Variants in MTHFD1L observed in about 807,000 individuals in gnomAD.
MTHFD1L encodes the protein methylenetetrahydrofolate dehydrogenase (NADP+ dependent) 1 like.
Under a neutral mutation model 119.5 loss-of-function variants are expected in MTHFD1L, and 81 were observed. The ratio of observed to expected loss-of-function variants is 0.68; its 90% CI spans 0.57 to 0.82. The LOEUF (loss-of-function observed/expected upper bound fraction) is 0.82. MTHFD1L is among the 40% of genes least tolerant of loss of function. The pLI, the probability that MTHFD1L is intolerant of heterozygous loss-of-function variation, is 0.00. For synonymous variants in MTHFD1L, 430 were observed against 475.2 expected (o/e 0.90, Z 1.24); for missense variants, 1,125 against 1,253.4 (o/e 0.90, Z 1.55).
intron 26 of MTHFD1L, among the ~76,000 whole-genome samples, chr6:151,054,562 G>A (rs1010289511): frequency 2.0e-5 from 3 of 152,044 alleles, no homozygotes; most frequent in South Asian, 2.1e-4. Flanking sequence ...TGCTCTCTAC[G>A]TCATTACTTT....
In MTHFD1L at chr6:150,925,695, AAT is replaced by A. The variant is rs534410115; in HGVS notation, c.1083-425_1083-424del. On this transcript the variant is annotated intron_variant, in intron 10 of 27. Coordinates refer to ENST00000367321, the MANE Select transcript of MTHFD1L (RefSeq NM_015440.5). The stretch of plus-strand genomic sequence containing the variant: ...TGTGATAGTAATGTTCACATTTTTG[AAT>A]AGCCAAGAGAAACATGTGGCCAGCC... Among the ~76,000 whole-genome samples the A allele has an allele frequency of 3.2e-4, 49 of 152,230 alleles. 3 individuals carry two copies. The East Asian group carries it at 9.3e-3, about 29-fold the overall frequency.
In MTHFD1L at chr6:150,905,703, C is replaced by T. The variant is rs1785792876; in HGVS notation, c.834C>T (p.Pro278=). 7 of 1,614,026 alleles carry T rather than the reference C, an allele frequency of 4.3e-6. No individual in the cohort carries two copies. Among genetic ancestry groups the T allele is most frequent in the African/African-American group, 2.7e-5 (2 of 74,920 alleles). The change falls in exon 8 of 28, where the codon CCC becomes CCT. Residue 278 remains proline (P), a synonymous_variant. Coordinates refer to ENST00000367321, the MANE Select transcript of MTHFD1L (RefSeq NM_015440.5). ...GCTCACCTAAGCCAGAAGAGATTCC[C>T]CTTACTTGGATACAACCAGGAACTA... ...VLGSPKPEEI[P]LTWIQPGTTV...
intron 7 of MTHFD1L, among the ~76,000 whole-genome samples, chr6:150,903,203 ATTTTTTTTTTTTTTTTT>A (rs774695918): frequency 7.0e-5 from 6 of 85,474 alleles, no homozygotes; most frequent in Middle Eastern, 8.2e-3. Context: ...TGGCTGCAAA[ATTTTTTTTTTTTTTTTT>A]TTTTTTTTTT....
At chr6:151,069,996 G>T (rs974309000) in intron 26 of MTHFD1L, among the ~76,000 whole-genome samples, 2 of 152,156 alleles carry the variant, frequency 1.3e-5, no homozygotes, top group East Asian at 1.9e-4. Flanking sequence ...CATCGGCAAG[G>T]TGTCTTTTTT....
intron 27 of MTHFD1L, among the ~76,000 whole-genome samples, chr6:151,095,503 C>T (rs1163448354): frequency 6.6e-6 from 1 of 152,198 alleles, no homozygotes; most frequent in Non-Finnish European, 1.5e-5. Context: ...TCCAATTATA[C>T]CTTAATCACT....
chr6:151,097,825 C>G (rs1214466644), intron 27 of MTHFD1L, among the ~76,000 whole-genome samples: 1 of 152,144 alleles, frequency 6.6e-6, no homozygotes, highest in Non-Finnish European at 1.5e-5. Flanking sequence ...GGTACCCTGA[C>G]TTGATCACTA....
intron 27 of MTHFD1L, among the ~76,000 whole-genome samples, chr6:151,093,173 C>G (rs1794601010): frequency 6.6e-6 from 1 of 152,142 alleles, no homozygotes; most frequent in African/African-American, 2.4e-5. Context: ...TCCTTGCTGG[C>G]CTCTTCCTAG....
intron 15 of MTHFD1L, among the ~76,000 whole-genome samples, chr6:150,948,568 C>T (rs149107436): frequency 0.018 from 2,787 of 152,194 alleles, 33 homozygotes; most frequent in Non-Finnish European, 0.027. Context: ...AGGTGATCCA[C>T]CTGCCTCCAC....
At chr6:150,907,373 G>A (rs1786096733) in intron 8 of MTHFD1L, among the ~76,000 whole-genome samples, 1 of 152,104 alleles carries the variant, frequency 6.6e-6, no homozygotes, top group African/African-American at 2.4e-5. Context: ...ATGATTCTCT[G>A]GGGGAAAAAA....
intron 20 of MTHFD1L, among the ~76,000 whole-genome samples, chr6:150,999,740 A>G (rs572468452): frequency 6.6e-6 from 1 of 152,326 alleles, no homozygotes; most frequent in South Asian, 2.1e-4. Flanking sequence ...ATGACTCATG[A>G]TGGTTCTAAA....
At chr6:151,083,246 G>A (rs944926740) in intron 26 of MTHFD1L, among the ~76,000 whole-genome samples, 2 of 151,950 alleles carry the variant, frequency 1.3e-5, no homozygotes, top group African/African-American at 2.4e-5. Flanking sequence ...CACCCAGGCT[G>A]GAGTGCAGTG....
intron 27 of MTHFD1L, among the ~76,000 whole-genome samples, chr6:151,100,708 T>C (rs11753701): frequency 0.37 from 56,506 of 151,296 alleles, 10,678 homozygotes; most frequent in Middle Eastern, 0.49. Context: ...AGAATGGCAA[T>C]GAATCTTAAT....
rs1283958832 is a variant in MTHFD1L at position 150,957,577 on chromosome 6, A to G, written c.1803+1506A>G. 2.6e-5 allele frequency among the ~76,000 whole-genome samples: 4 copies of G among 152,324 alleles called. No individual in the cohort carries two copies. In the East Asian group the frequency reaches 5.8e-4, roughly 22 times the overall value. ...TGTGTATTAGGATATTTGTTGTGCCATTATTTGCAGCGGTGAAAATTGGAA... is the reference window on the plus strand; with the variant it reads ...TGTGTATTAGGATATTTGTTGTGCCGTTATTTGCAGCGGTGAAAATTGGAA... On this transcript the variant is annotated intron_variant, in intron 17 of 27. Transcript: ENST00000367321.
chr6:150,974,785 G>A (rs908776655), intron 20 of MTHFD1L, among the ~76,000 whole-genome samples: 5 of 150,748 alleles, frequency 3.3e-5, no homozygotes, highest in African/African-American at 1.2e-4. Flanking sequence ...TGCCCAGGCT[G>A]GAGCGCAATG....
chr6:150,980,516 C>G (rs935850913), intron 20 of MTHFD1L, among the ~76,000 whole-genome samples: 3 of 152,110 alleles, frequency 2.0e-5, no homozygotes, highest in Non-Finnish European at 4.4e-5. Flanking sequence ...CACCCATGTT[C>G]CCACCACTCT....
At chr6:151,033,121 C>CT (rs1219393561) in intron 24 of MTHFD1L, among the ~76,000 whole-genome samples, 2,072 of 141,638 alleles carry the variant, frequency 0.015, 24 homozygotes, top group African/African-American at 0.029. Flanking sequence ...CATATGCTTT[C>CT]TTTTTTTTTT....
intron 20 of MTHFD1L, among the ~76,000 whole-genome samples, chr6:150,997,941 A>T (rs535786494): frequency 1.3e-5 from 2 of 152,166 alleles, no homozygotes; most frequent in Admixed American, 6.5e-5. Context: ...GCATGAGCAC[A>T]AAGTGGCAGG....
chr6:151,035,383 C>T (rs1786015550), intron 25 of MTHFD1L, among the ~76,000 whole-genome samples: 1 of 152,208 alleles, frequency 6.6e-6, no homozygotes, highest in African/African-American at 2.4e-5. Flanking sequence ...GTAGCGTTGA[C>T]CTTTTCTTTA....
intron 27 of MTHFD1L, among the ~76,000 whole-genome samples, chr6:151,096,007 G>A (rs1478981767): frequency 6.6e-6 from 1 of 152,192 alleles, no homozygotes; most frequent in Non-Finnish European, 1.5e-5. Context: ...CAAAAGCCAA[G>A]ACTCAACTCA....
Sources: allele counts gnomAD v4.1 joint callset (sites outside exome capture counted in the v4.1 genomes callset), GRCh38; gene constraint gnomAD v4.1.1; transcripts MANE v1.5; gene names NCBI Gene and HGNC (gene_info 2026-07-23, HGNC 2026-07-21).